Variants in HMCES observed in about 807,000 individuals in gnomAD.
HMCES encodes the protein abasic site processing protein HMCES.
In HMCES, 27 loss-of-function variants were observed where a neutral mutation model predicts 35.1. The ratio of observed to expected loss-of-function variants is 0.77; its 90% confidence interval spans 0.57 to 1.06. HMCES has a LOEUF of 1.06. HMCES is among the 50% of genes least tolerant of loss of function. The pLI, the probability that HMCES is intolerant of heterozygous loss-of-function variation, is 0.00. For missense variants in HMCES, 391 were observed against 430.4 expected (o/e 0.91, Z 0.81); for synonymous variants, 130 against 154.7 (o/e 0.84, Z 1.18).
intron 2 of HMCES, among the ~76,000 whole-genome samples, chr3:129,281,667 G>A (rs1276387573): frequency 6.6e-6 from 1 of 151,036 alleles, no homozygotes; most frequent in Non-Finnish European, 1.5e-5. Flanking sequence ...CTCTGGCCTG[G>A]GCAACAGAGT....
chr3:129,279,964 C>T lies in HMCES; in HGVS notation c.183+49C>T. ...GCCCCTCGCCCAGCCTCGTGATGGT[C>T]ATCTCCTATTTGGTTTGGTGTGTGC... On this transcript the variant is annotated intron_variant, in intron 2 of 6. Coordinates refer to ENST00000383463, the MANE Select transcript of HMCES (RefSeq NM_020187.3). This position sits in a 1 kb window ranked among gnomAD's most constrained non-coding sequence, Gnocchi z 4.2. 6.8e-7 allele frequency: 1 copy of T among 1,460,780 alleles called. No individual in the cohort carries two copies. The highest frequency in any genetic ancestry group is 9.1e-7 in the Non-Finnish European group (1 of 1,094,506). The allele number at this position is 1,460,780 out of a possible 1,614,324, so 90.5% of individuals were successfully genotyped here. A position where few individuals can be genotyped will look rare whatever the true frequency, so the allele number is the denominator to read the frequency against.
At chr3:129,287,003 G>A (rs1361926734) in intron 2 of HMCES, among the ~76,000 whole-genome samples, 2 of 152,174 alleles carry the variant, frequency 1.3e-5, no homozygotes, top group East Asian at 1.9e-4. Context: ...AAGCATATAA[G>A]GCATAGTGTG....
In HMCES at chr3:129,302,045, C is replaced by T. The variant is rs1227110281; in HGVS notation, c.731C>T (p.Thr244Ile). ...GAAGCTCTGAAATTAATCCACCCAA[C>T]AGAGAACATCACCTTCCATGCAGTC... The part of the protein sequence containing the change: ...TQEALKLIHP[T>I]ENITFHAVSS... The change falls in exon 6 of 7, where the codon ACA (threonine) becomes ATA (isoleucine). Residue 244 changes from threonine to isoleucine, a missense_variant. Thr to Ile is a moderately conservative substitution (Grantham distance 89). Coordinates refer to ENST00000383463, the MANE Select transcript of HMCES (RefSeq NM_020187.3). 1 of 1,614,096 alleles carries T rather than the reference C, an allele frequency of 6.2e-7. No homozygotes were observed. Among genetic ancestry groups the T allele is most frequent in the African/African-American group, 1.3e-5 (1 of 74,942 alleles).
chr3:129,290,685 C>G lies in HMCES; in HGVS notation c.334C>G (p.Leu112Val), dbSNP rs186016030. The G allele has an allele frequency of 2.8e-5, 45 of 1,613,052 alleles. No homozygotes were observed. The East Asian group carries it at 4.0e-4, about 14-fold the overall frequency. Reference sequence around the variant, plus strand: ...TGCTCACATTTTCCCTCAGGTGCCTCTGGGAAAGGGAAGACGCTGTGTCGT... The same window carrying G: ...TGCTCACATTTTCCCTCAGGTGCCTGTGGGAAAGGGAAGACGCTGTGTCGT... ...VMEKRSFKVP[L>V]GKGRRCVVLA... The change falls in exon 4 of 7, where the codon CTG becomes GTG. Residue 112 changes from leucine to valine, a missense_variant. By Grantham distance (32) the Leu-to-Val change is conservative (BLOSUM62 1). Coordinates refer to ENST00000383463, the MANE Select transcript of HMCES (RefSeq NM_020187.3).
chr3:129,288,913 G>A lies in HMCES; in HGVS notation c.243G>A (p.Trp81Ter). The A allele has an allele frequency of 6.9e-6, 11 of 1,602,010 alleles. No homozygotes were observed. The highest frequency in any genetic ancestry group is 8.5e-6 in the Non-Finnish European group (10 of 1,170,348). ...TGCGCTGGGGCTTGGTCCCTTCTTG[G>A]TTCAAAGAAAGTGATCCTTCCAAGC... ...APMRWGLVPSWFKESDPSKLQ... is the reference protein window; with the variant it reads ...APMRWGLVPS Residue 81 changes from tryptophan to a stop codon, truncating the protein, a stop_gained, in exon 3 of 7, where the codon TGG (tryptophan) becomes TGA (stop). Transcript: ENST00000383463. LOFTEE classifies it high-confidence loss of function.
intron 2 of HMCES, among the ~76,000 whole-genome samples, chr3:129,280,515 T>A (rs2107683641): frequency 6.6e-6 from 1 of 152,290 alleles, no homozygotes; most frequent in East Asian, 1.9e-4. Context: ...TTTAAAAAAA[T>A]AAAAAATTTA....
At position 129,296,352 on chromosome 3, in the gene HMCES, C is replaced by T. The variant is rs145960988; in HGVS notation, c.454-2002C>T. Among the ~76,000 whole-genome samples, 1,411 of 152,258 alleles carry T rather than the reference C, an allele frequency of 9.3e-3. 23 individuals are homozygous for T. The highest frequency in any genetic ancestry group is 0.032 in the African/African-American group (1,336 of 41,558). On this transcript the variant is annotated intron_variant, in intron 4 of 6. Transcript: ENST00000383463. ...TTGGGATTACAGGCATGAGCCTCTG[C>T]GCCTGGCCATTATTGACCTATCTTT...
chr3:129,283,053 G>A (rs1401013150), intron 2 of HMCES, among the ~76,000 whole-genome samples: 3 of 152,236 alleles, frequency 2.0e-5, no homozygotes, highest in East Asian at 1.9e-4. Context: ...TATTCTGGGC[G>A]TTGTAGAGCG....
At chr3:129,289,094 T>C in intron 3 of HMCES, 97 bp downstream of exon 3, 1 of 989,648 alleles carries the variant, frequency 1.0e-6, no homozygotes, top group Non-Finnish European at 1.4e-6. Context: ...CAAAAATAAA[T>C]AAATAACACA....
At position 129,279,580 on chromosome 3, in the gene HMCES, G is replaced by A. The variant is rs1940403445; in HGVS notation, c.-23-130G>A. Reference sequence around the variant, plus strand: ...ATCCTTGTCTTTGTGGGACTTTTTGGGGAAGACTTTAGACGGTGGTCACGG... The same window carrying A: ...ATCCTTGTCTTTGTGGGACTTTTTGAGGAAGACTTTAGACGGTGGTCACGG... On this transcript the variant is annotated intron_variant, in intron 1 of 6. Transcript: ENST00000383463. This position sits in a 1 kb window ranked among gnomAD's most constrained non-coding sequence, Gnocchi z 4.2. The A allele has an allele frequency of 1.1e-6, 1 of 881,460 alleles. No individual in the cohort carries two copies. The highest frequency in any genetic ancestry group is 2.8e-5 in the Admixed American group (1 of 35,362). 54.6% of individuals were successfully genotyped at this position (881,460 alleles called of 1,614,324 possible).
chr3:129,286,228 T>C (rs1029428098), intron 2 of HMCES, among the ~76,000 whole-genome samples: 7 of 152,184 alleles, frequency 4.6e-5, no homozygotes, highest in African/African-American at 1.7e-4. Context: ...ACCCCCAAGA[T>C]GATGGTATTA....
intron 2 of HMCES, among the ~76,000 whole-genome samples, chr3:129,281,613 C>G (rs1940485896): frequency 6.6e-6 from 1 of 151,946 alleles, no homozygotes; most frequent in African/African-American, 2.4e-5. Flanking sequence ...ATCGCTTGAA[C>G]CCGGGAGGCG....
intron 5 of HMCES, among the ~76,000 whole-genome samples, chr3:129,299,181 A>T (rs1452923405): frequency 6.6e-6 from 1 of 152,136 alleles, no homozygotes; most frequent in Non-Finnish European, 1.5e-5. Context: ...ACTACAATAA[A>T]TATGGCACTT....
At chr3:129,293,738 T>C (rs2107692876) in intron 4 of HMCES, among the ~76,000 whole-genome samples, 1 of 152,060 alleles carries the variant, frequency 6.6e-6, no homozygotes, top group East Asian at 1.9e-4. Flanking sequence ...TGGCTAATTT[T>C]TGTATTTTTA....
intron 2 of HMCES, among the ~76,000 whole-genome samples, chr3:129,284,654 C>T (rs1262771155): frequency 6.6e-6 from 1 of 152,116 alleles, no homozygotes; most frequent in Non-Finnish European, 1.5e-5. Context: ...CCTGTAGTCC[C>T]AGCACTTTGG....
At chr3:129,302,482 A>C (rs1204188850) in intron 6 of HMCES, among the ~76,000 whole-genome samples, 1 of 151,902 alleles carries the variant, frequency 6.6e-6, no homozygotes, top group Non-Finnish European at 1.5e-5. Context: ...TGGGAGGCCG[A>C]GGCAAGTGGA....
chr3:129,282,305 A>C (rs2107684944), intron 2 of HMCES, among the ~76,000 whole-genome samples: 1 of 152,248 alleles, frequency 6.6e-6, no homozygotes, highest in South Asian at 2.1e-4. Flanking sequence ...CAAAAAAAAA[A>C]AAAAAAAGCC....
In HMCES at chr3:129,288,836, A is replaced by AT. The variant is rs1940715225; in HGVS notation, c.184-17dup. 2 of 1,488,320 alleles carry AT rather than the reference A, an allele frequency of 1.3e-6. No individual in the cohort carries two copies. Among genetic ancestry groups the AT allele is most frequent in the Non-Finnish European group, 9.1e-7 (1 of 1,097,614 alleles). 92.2% of individuals were successfully genotyped at this position (1,488,320 alleles called of 1,614,324 possible). ...AATTTCATTATGATCTCCTCACTAGATCTTCTCTCCGTGGCAGGATGCAGA... is the reference window on the plus strand; with the variant it reads ...AATTTCATTATGATCTCCTCACTAGATTCTTCTCTCCGTGGCAGGATGCAGA... On this transcript the variant is annotated splice_polypyrimidine_tract_variant and intron_variant, in intron 2 of 6. Coordinates refer to ENST00000383463, the MANE Select transcript of HMCES (RefSeq NM_020187.3).
At position 129,304,582 on chromosome 3, in the gene HMCES, C is replaced by A. The variant is rs1471829840; in HGVS notation, c.829-7C>A. On this transcript the variant is annotated splice_region_variant and splice_polypyrimidine_tract_variant and intron_variant, in intron 6 of 6. Transcript: ENST00000383463. ...GTATGGTTTGAGCTTTTTCCTCTTT[C>A]TTGTAGGAGCTCAGGGCAAGTGGCA... is the stretch of plus-strand genomic sequence containing the variant. The A allele has an allele frequency of 2.5e-6, 4 of 1,612,112 alleles. No individual in the cohort carries two copies. The highest frequency in any genetic ancestry group is 3.4e-6 in the Non-Finnish European group (4 of 1,178,674).
Sources: gnomAD v4.1 joint callset for allele counts (sites outside exome capture counted in the v4.1 genomes callset) on GRCh38, gnomAD v4.1.1 for gene constraint, Gnocchi (gnomAD v3.1) non-coding constraint, MANE v1.5 for transcripts, NCBI Gene and HGNC (gene_info 2026-07-23, HGNC 2026-07-21) for gene names.